The following GARS1 variants were observed in gnomAD, a reference collection of about 807,000 sequenced individuals.
The protein encoded by GARS1 is glycyl-tRNA synthetase 1, also known as glycine--tRNA ligase.
GARS1 carries 46 observed loss-of-function variants against 86.4 expected under a neutral mutation model. The observed-to-expected ratio is 0.53, with a 90% CI of 0.42 to 0.68. The LOEUF is 0.68. Among genes scored for constraint, GARS1 ranks in the 30% least tolerant of loss-of-function variants. The pLI, the probability that GARS1 is intolerant of heterozygous loss-of-function variation, is 0.00. For missense variants in GARS1, 797 were observed against 915.6 expected, an observed-to-expected ratio of 0.87 and a Z score of 1.67; for synonymous variants, 342 against 329.8, an observed-to-expected ratio of 1.04 and a Z score of -0.40.
intron 14 of GARS1, among the ~76,000 whole-genome samples, chr7:30,630,784 A>C (rs1340886208): frequency 6.6e-6 from 1 of 152,196 alleles, no homozygotes; most frequent in African/African-American, 2.4e-5. Flanking sequence ...TGCTGGGATT[A>C]CAGGCATGAG....
intron 13 of GARS1, among the ~76,000 whole-genome samples, chr7:30,627,498 A>G (rs1276504979): frequency 6.6e-6 from 1 of 152,266 alleles, no homozygotes; most frequent in Non-Finnish European, 1.5e-5. Flanking sequence ...CCCAAAAAAC[A>G]TAAACTCTTC....
intron 1 of GARS1, 51 bp downstream of exon 1, chr7:30,595,194 C>G: frequency 1.4e-6 from 2 of 1,431,228 alleles, no homozygotes; most frequent in East Asian, 4.9e-5. Flanking sequence ...CTCCCAGGGC[C>G]TTCTTCTGGT....
rs758161145 is a variant in GARS1 at position 30,628,689 on chromosome 7, G to A, written c.1809+20G>A. On this transcript the variant is annotated intron_variant, in intron 14 of 16. Transcript: ENST00000389266. The stretch of plus-strand genomic sequence containing the variant: ...AGAACAGTAAGTTGTTGTGTACAGT[G>A]TGCTGTTATAGTGTCAGAAAATAAA... 3 of 1,519,950 alleles carry A rather than the reference G, an allele frequency of 2.0e-6. No homozygotes were observed. The highest frequency in any genetic ancestry group is 2.3e-5 in the East Asian group (1 of 44,232). 94.2% of individuals were successfully genotyped at this position (1,519,950 alleles called of 1,614,324 possible).
At chr7:30,598,429 C>T (rs1791302796) in intron 1 of GARS1, among the ~76,000 whole-genome samples, 2 of 145,662 alleles carry the variant, frequency 1.4e-5, no homozygotes, top group South Asian at 4.5e-4. Flanking sequence ...CACTTTGTCA[C>T]CCAGGCTGGA....
At chr7:30,622,288 T>C in intron 11 of GARS1, 29 bp from the exon 12 acceptor site, 1 of 1,613,742 alleles carries the variant, frequency 6.2e-7, no homozygotes, top group Non-Finnish European at 8.5e-7. Flanking sequence ...GGCAGTGCTG[T>C]AGTTTTGGAT....
intron 6 of GARS1, among the ~76,000 whole-genome samples, chr7:30,606,914 ATCTTAAATC>A (rs1791496484): frequency 6.6e-6 from 1 of 152,198 alleles, no homozygotes; most frequent in Non-Finnish European, 1.5e-5. Flanking sequence ...TACTATATTA[ATCTTAAATC>A]TCTCTCCTTT....
intron 3 of GARS1, 140 bp downstream of exon 3, chr7:30,600,189 T>G: frequency 1.4e-6 from 1 of 696,464 alleles, no homozygotes; most frequent in Non-Finnish European, 2.6e-6. Flanking sequence ...TTTTGTTTGC[T>G]TGGAGTCACC....
At chr7:30,608,463 C>T (rs1791526702) in intron 6 of GARS1, among the ~76,000 whole-genome samples, 1 of 152,122 alleles carries the variant, frequency 6.6e-6, no homozygotes, top group African/African-American at 2.4e-5. Context: ...GAACAGTTTC[C>T]TCATTGATCC....
chr7:30,630,483 T>C (rs998301848), intron 14 of GARS1, among the ~76,000 whole-genome samples: 2 of 152,078 alleles, frequency 1.3e-5, no homozygotes, highest in Non-Finnish European at 2.9e-5. Flanking sequence ...AGTGGTTGAT[T>C]GGTTTGCCTT....
chr7:30,622,453 A>G lies in GARS1; in HGVS notation c.1604A>G (p.Asn535Ser), dbSNP rs1164729890. The change falls in exon 12 of 17, where the codon AAT becomes AGT. Residue 535 changes from asparagine to serine, a missense_variant. By Grantham distance (46) the Asn-to-Ser change is conservative. Transcript: ENST00000389266. The part of the protein sequence containing the change: ...CYITEMEMLL[N>S]EKGEFTIETE... ...ATTACAGAAATGGAGATGCTGCTGA[A>G]TGAGAAAGGGTAAGATATCAGATGT... The G allele has an allele frequency of 6.2e-7, 1 of 1,614,152 alleles. No homozygotes were observed. Among genetic ancestry groups the G allele is most frequent in the Non-Finnish European group, 8.5e-7 (1 of 1,180,016 alleles).
intron 7 of GARS1, among the ~76,000 whole-genome samples, chr7:30,610,781 A>T (rs1357570125): frequency 6.6e-6 from 1 of 152,200 alleles, no homozygotes; most frequent in East Asian, 1.9e-4. Context: ...GTAATTTGAG[A>T]GTGGTTAAAC....
rs1253693364 is a variant in GARS1 at position 30,594,983 on chromosome 7, C to T, written c.62C>T (p.Pro21Leu). The change falls in exon 1 of 17, where the codon CCG becomes CTG. Residue 21 changes from proline (P) to leucine (L), a missense_variant. Physicochemically the swap from Pro to Leu is moderately conservative, Grantham distance 98. This residue lies in a region of GARS1 where 199 missense variants were observed against 176.9 expected (regional missense o/e 1.12). Coordinates refer to ENST00000389266, the MANE Select transcript of GARS1 (RefSeq NM_002047.4). ...GARAALLLLLPPRLLARPSLL... is the reference protein window; with the variant it reads ...GARAALLLLLLPRLLARPSLL... ...CGCGCCGCTCTGCTGCTGCTGCTGC[C>T]GCCCCGGCTCTTAGCCCGACCCTCG... 3.1e-6 allele frequency: 5 copies of T among 1,594,172 alleles called. No individual in the cohort carries two copies. Among genetic ancestry groups the T allele is most frequent in the African/African-American group, 1.3e-5 (1 of 74,832 alleles).
chr7:30,631,792 A>T (rs1042430459), intron 15 of GARS1, among the ~76,000 whole-genome samples: 5 of 152,232 alleles, frequency 3.3e-5, no homozygotes, highest in Non-Finnish European at 5.9e-5. Context: ...TTTACTTCTC[A>T]TACTGACCTT....
intron 12 of GARS1, among the ~76,000 whole-genome samples, chr7:30,624,188 G>A (rs1783079000): frequency 1.3e-5 from 2 of 151,930 alleles, no homozygotes; most frequent in South Asian, 2.1e-4. Context: ...TTTCTAGTGT[G>A]GCCCAGGGAA....
rs765644965 is a variant in GARS1 at position 30,632,409 on chromosome 7, G to A, written c.2066G>A (p.Arg689His). 20 of 1,614,038 alleles carry A rather than the reference G, an allele frequency of 1.2e-5. No homozygotes were observed. The highest frequency in any genetic ancestry group is 1.6e-5 in the Non-Finnish European group (19 of 1,180,014). The change falls in exon 16 of 17, where the codon CGT (arginine) becomes CAT (histidine). Residue 689 changes from arginine (R) to histidine (H), a missense_variant. By Grantham distance (29) the Arg-to-His change is conservative (BLOSUM62 0). Transcript: ENST00000389266. The surrounding 1 kb of genome is among the most constrained non-coding windows in gnomAD (Gnocchi z 4.1). The stretch of plus-strand genomic sequence containing the variant: ...CCCCACACTGCAACTCTGAGGGACC[G>A]TGACTCAATGCGGCAGATAAGAGCA... ...KTPHTATLRD[R>H]DSMRQIRAEI...
intron 8 of GARS1, among the ~76,000 whole-genome samples, chr7:30,615,064 A>G (rs1414735058): frequency 6.6e-6 from 1 of 152,204 alleles, no homozygotes; most frequent in Non-Finnish European, 1.5e-5. Flanking sequence ...TTCTCCCGCA[A>G]ATAGCTACTA....
chr7:30,617,823 C>A (rs772287466), intron 10 of GARS1, among the ~76,000 whole-genome samples: 8 of 152,180 alleles, frequency 5.3e-5, no homozygotes, highest in Non-Finnish European at 1.2e-4. Context: ...CCAGCCTCCA[C>A]CACCAAACAT....
At chr7:30,628,248 G>A (rs1297364990) in intron 13 of GARS1, among the ~76,000 whole-genome samples, 7 of 151,038 alleles carry the variant, frequency 4.6e-5, no homozygotes, top group African/African-American at 9.7e-5. Flanking sequence ...GCAATGGCAC[G>A]ATCTTGGTTC....
chr7:30,628,697 A>T (rs777319861), intron 14 of GARS1, 28 bp downstream of exon 14: 1 of 1,470,022 alleles, frequency 6.8e-7, no homozygotes, highest in South Asian at 1.1e-5. Context: ...GTGTGCTGTT[A>T]TAGTGTCAGA....
Sources: allele counts gnomAD v4.1 joint callset (sites outside exome capture counted in the v4.1 genomes callset), GRCh38; gene constraint gnomAD v4.1.1; regional missense constraint gnomAD v4.1.1; non-coding constraint Gnocchi (gnomAD v3.1); transcripts MANE v1.5; gene names NCBI Gene and HGNC (gene_info 2026-07-23, HGNC 2026-07-21).